TSGA10: variants seen among roughly 807,000 people sequenced by gnomAD.
The protein encoded by TSGA10 is testis-specific gene 10 protein.
Under a neutral mutation model 96.6 loss-of-function variants are expected in TSGA10, and 43 were observed. The ratio of observed to expected loss-of-function variants is 0.44; its 90% confidence interval spans 0.35 to 0.57. The LOEUF (loss-of-function observed/expected upper bound fraction) is 0.57, where lower values mean the gene tolerates loss of function less well. TSGA10 is among the 20% of genes least tolerant of loss of function. The pLI is 0.01. For missense variants in TSGA10, 703 were observed against 834.4 expected (o/e 0.84, Z 1.94); for synonymous variants, 229 against 269.9 (o/e 0.85, Z 1.48).
At position 99,105,648 on chromosome 2, in the gene TSGA10, T is replaced by G; in HGVS notation, c.260A>C (p.Lys87Thr). 1.9e-6 allele frequency: 3 copies of G among 1,597,624 alleles called. No individual in the cohort carries two copies. The highest frequency in any genetic ancestry group is 2.6e-6 in the Non-Finnish European group (3 of 1,166,038). The change falls in exon 8 of 21, where the codon AAG (lysine) becomes ACG (threonine). Residue 87 changes from lysine to threonine, a missense_variant. By Grantham distance (78) the Lys-to-Thr change is moderately conservative. This residue lies in a region of TSGA10 where 585 missense variants were observed against 656.8 expected (regional missense o/e 0.89). Coordinates refer to ENST00000393483, the MANE Select transcript of TSGA10 (RefSeq NM_025244.4). The stretch of plus-strand genomic sequence containing the variant: ...ATGTGCCGTTGTTGATTTAGGACTC[T>G]TACAGCTTTTCATCATTTCTCGTCG... ...RLRREMMKSC[K>T]SPKSTTAHAI... is the part of the protein sequence containing the mutation.
At chr2:99,098,177 C>CG (rs2090273846) in intron 10 of TSGA10, among the ~76,000 whole-genome samples, 1 of 152,000 alleles carries the variant, frequency 6.6e-6, no homozygotes, top group Non-Finnish European at 1.5e-5. Context: ...GTGGCTCACA[C>CG]CTGTAATCCC....
chr2:99,026,818 G>A (rs1573591030), intron 17 of TSGA10, among the ~76,000 whole-genome samples: 1 of 152,138 alleles, frequency 6.6e-6, no homozygotes, highest in South Asian at 2.1e-4. Flanking sequence ...TAAAGAAAAC[G>A]TGGTATATAT....
chr2:99,021,504 G>A (rs116209170), intron 17 of TSGA10, among the ~76,000 whole-genome samples: 4,084 of 152,170 alleles, frequency 0.027, 243 homozygotes, highest in Admixed American at 0.13. Context: ...AATTATAAAC[G>A]TATGGGGAAA....
chr2:99,138,400 GA>G (rs1362580859), intron 1 of TSGA10, among the ~76,000 whole-genome samples: 18 of 152,292 alleles, frequency 1.2e-4, no homozygotes, highest in African/African-American at 4.3e-4. Flanking sequence ...TAAAATTCAA[GA>G]GCTCTAGGCT....
intron 16 of TSGA10, among the ~76,000 whole-genome samples, chr2:99,050,553 C>G (rs1008561636): frequency 3.9e-5 from 6 of 152,004 alleles, no homozygotes; most frequent in African/African-American, 1.4e-4. Context: ...GGGAATAGAA[C>G]TATGTAACAG....
At chr2:99,087,101 G>A (rs1202402421) in intron 10 of TSGA10, among the ~76,000 whole-genome samples, 1 of 152,126 alleles carries the variant, frequency 6.6e-6, no homozygotes, top group African/African-American at 2.4e-5. Context: ...CTACTGGGGA[G>A]GCTGAGGCAA....
chr2:99,045,923 C>G (rs897492679), intron 16 of TSGA10, among the ~76,000 whole-genome samples: 2 of 152,220 alleles, frequency 1.3e-5, no homozygotes, highest in East Asian at 3.9e-4. Context: ...GAGTTGCAAT[C>G]CTGGTCTCTG....
chr2:99,053,406 ATAC>A (rs2083607494), intron 16 of TSGA10, among the ~76,000 whole-genome samples: 1 of 152,186 alleles, frequency 6.6e-6, no homozygotes, highest in Non-Finnish European at 1.5e-5. Context: ...TAAAAGGATC[ATAC>A]ACCATAATCA....
At chr2:99,071,384 A>T (rs75252320) in intron 14 of TSGA10, among the ~76,000 whole-genome samples, 11,079 of 77,498 alleles carry the variant, frequency 0.14, 825 homozygotes, top group African/African-American at 0.42. Context: ...CCATTTTTTT[A>T]AAAAAAAAAC....
chr2:99,076,693 A>G (rs2086736141), intron 12 of TSGA10, among the ~76,000 whole-genome samples: 1 of 152,052 alleles, frequency 6.6e-6, no homozygotes, highest in Admixed American at 6.6e-5. Context: ...CTATCTCTCT[A>G]CAACCTGTTC....
At chr2:99,040,768 A>C (rs1000865675) in intron 16 of TSGA10, among the ~76,000 whole-genome samples, 4 of 152,070 alleles carry the variant, frequency 2.6e-5, no homozygotes, top group Non-Finnish European at 4.4e-5. Context: ...AAAAAAAAAA[A>C]CCTAAACATC....
chr2:99,065,158 G>T (rs770108256), intron 15 of TSGA10, 34 bp from the exon 16 acceptor site: 22 of 1,592,520 alleles, frequency 1.4e-5, no homozygotes, highest in Admixed American at 8.9e-5. Context: ...ACTTTAAAAT[G>T]CTGAACATAT....
intron 4 of TSGA10, chr2:99,117,214 A>G (rs2092319309): frequency 6.6e-6 from 1 of 152,228 alleles, no homozygotes; most frequent in South Asian, 2.1e-4. Context: ...AAAATAGACG[A>G]AAATAAATGT....
At chr2:99,106,747 C>T (rs60056452) in intron 7 of TSGA10, among the ~76,000 whole-genome samples, 9,048 of 151,662 alleles carry the variant, frequency 0.06, 524 homozygotes, top group East Asian at 0.21. Context: ...CTCACAACAT[C>T]CTTCTTCTTG....
At chr2:99,150,496 G>C (rs1168930672) in intron 1 of TSGA10, 5 of 1,478,004 alleles carry the variant, frequency 3.4e-6, no homozygotes, top group African/African-American at 1.5e-5. Context: ...TCAAGTTGAA[G>C]AAACACTTCC....
At chr2:99,154,010 T>C (rs947725742) in intron 1 of TSGA10, among the ~76,000 whole-genome samples, 4 of 152,226 alleles carry the variant, frequency 2.6e-5, no homozygotes, top group African/African-American at 9.6e-5. Context: ...ACGCCTTAAC[T>C]CTGGGCTGGC....
intron 18 of TSGA10, among the ~76,000 whole-genome samples, chr2:99,019,731 A>G (rs2079846581): frequency 6.6e-6 from 1 of 152,184 alleles, no homozygotes; most frequent in Non-Finnish European, 1.5e-5. Flanking sequence ...AATTCACTAT[A>G]CAGGGAGGCA....
chr2:99,107,472 GT>G, intron 7 of TSGA10, among the ~76,000 whole-genome samples: 1 of 152,096 alleles, frequency 6.6e-6, no homozygotes, highest in East Asian at 1.9e-4. Flanking sequence ...AAAAAAGATT[GT>G]TTGTTGCTTA....
intron 5 of TSGA10, among the ~76,000 whole-genome samples, chr2:99,110,575 C>A (rs772556999): frequency 9.2e-5 from 14 of 152,098 alleles, no homozygotes; most frequent in Non-Finnish European, 1.6e-4. Flanking sequence ...ATTCAGTCAT[C>A]ATTTTAAATC....
Sources: gnomAD v4.1 joint callset for allele counts (sites outside exome capture counted in the v4.1 genomes callset) on GRCh38, gnomAD v4.1.1 for gene constraint, gnomAD v4.1.1 regional missense constraint, MANE v1.5 for transcripts, NCBI Gene and HGNC (gene_info 2026-07-23, HGNC 2026-07-21) for gene names.